PTPRG: variants seen among roughly 807,000 people sequenced by gnomAD.
The protein encoded by PTPRG is protein tyrosine phosphatase receptor type G.
In PTPRG, 102 loss-of-function variants were observed where a neutral mutation model predicts 165.3. That is an observed-to-expected ratio of 0.62 (90% confidence interval 0.53 to 0.73). The LOEUF is 0.73. Among genes scored for constraint, PTPRG ranks in the 30% least tolerant of loss-of-function variants. PTPRG has a pLI of 0.00. For missense variants in PTPRG, 1,866 were observed against 1,861.4 expected (o/e 1.00, Z -0.05); for synonymous variants, 675 against 669.5 (o/e 1.01, Z -0.13).
At chr3:62,206,234 CAG>C (rs1700226089) in intron 12 of PTPRG, among the ~76,000 whole-genome samples, 1 of 152,106 alleles carries the variant, frequency 6.6e-6, no homozygotes, top group South Asian at 2.1e-4. Flanking sequence ...ATTCCAGAGA[CAG>C]GGGAGAAGAA....
intron 2 of PTPRG, among the ~76,000 whole-genome samples, chr3:61,766,153 A>C (rs1050632392): frequency 1.3e-5 from 2 of 152,200 alleles, no homozygotes; most frequent in Admixed American, 6.5e-5. Context: ...CTTTTTCTTT[A>C]AATTGGAATG....
At chr3:61,607,100 G>A (rs1701032127) in intron 1 of PTPRG, among the ~76,000 whole-genome samples, 1 of 152,154 alleles carries the variant, frequency 6.6e-6, no homozygotes, top group African/African-American at 2.4e-5. Context: ...CTTTGGGCAG[G>A]TAAGGATAAC....
intron 6 of PTPRG, among the ~76,000 whole-genome samples, chr3:62,142,543 A>G (rs909177981): frequency 1.3e-5 from 2 of 152,178 alleles, no homozygotes; most frequent in African/African-American, 4.8e-5. Context: ...AAAGGAAGAG[A>G]TTCAGACATT....
At chr3:62,148,000 G>T (rs1447136543) in intron 6 of PTPRG, among the ~76,000 whole-genome samples, 1 of 152,046 alleles carries the variant, frequency 6.6e-6, no homozygotes, top group Non-Finnish European at 1.5e-5. Flanking sequence ...AAAAAAATTA[G>T]CCAGGCATGG....
At chr3:61,677,540 G>T (rs1703275076) in intron 1 of PTPRG, among the ~76,000 whole-genome samples, 1 of 152,194 alleles carries the variant, frequency 6.6e-6, no homozygotes, top group African/African-American at 2.4e-5. Flanking sequence ...ATTTTTGGTA[G>T]ATGTATATTT....
At chr3:62,165,339 G>C (rs1223265716) in intron 7 of PTPRG, among the ~76,000 whole-genome samples, 1 of 152,172 alleles carries the variant, frequency 6.6e-6, no homozygotes, top group African/African-American at 2.4e-5. Context: ...TCAGAAACCT[G>C]CTCTCACATT....
intron 2 of PTPRG, among the ~76,000 whole-genome samples, chr3:61,825,441 A>G (rs1444380823): frequency 6.6e-6 from 1 of 152,242 alleles, no homozygotes; most frequent in African/African-American, 2.4e-5. Flanking sequence ...CAAAGAGGGA[A>G]AAGTGGAAAC....
rs541132256 is a variant in PTPRG at position 62,257,298 on chromosome 3, C to G, written c.2559+2083C>G. On this transcript the variant is annotated intron_variant, in intron 16 of 29. Transcript: ENST00000474889. ...TAATAGGCTACATAAGAAGCTATTA[C>G]GGCTATTTTATAAACAGAGATAGTA... Among the ~76,000 whole-genome samples the G allele has an allele frequency of 3.9e-5, 6 of 152,066 alleles. No individual in the cohort carries two copies. The South Asian group carries it at 1.0e-3, about 26-fold the overall frequency.
At chr3:61,634,324 G>A (rs1187086309) in intron 1 of PTPRG, among the ~76,000 whole-genome samples, 2 of 151,770 alleles carry the variant, frequency 1.3e-5, no homozygotes, top group East Asian at 2.0e-4. Flanking sequence ...TGCAGCCTCC[G>A]CCTCCCAGGT....
At chr3:61,611,359 G>A (rs1450291599) in intron 1 of PTPRG, among the ~76,000 whole-genome samples, 3 of 152,116 alleles carry the variant, frequency 2.0e-5, no homozygotes, top group Non-Finnish European at 4.4e-5. Context: ...AAAGTGACAA[G>A]CACAGTGCCT....
chr3:62,202,276 T>C (rs1700111677), intron 11 of PTPRG, among the ~76,000 whole-genome samples: 2 of 152,032 alleles, frequency 1.3e-5, no homozygotes, highest in Admixed American at 1.3e-4. Flanking sequence ...TTTAGTATGG[T>C]GGTAAGAACA....
At chr3:61,951,399 C>T (rs1209346141) in intron 2 of PTPRG, among the ~76,000 whole-genome samples, 4 of 152,150 alleles carry the variant, frequency 2.6e-5, no homozygotes, top group African/African-American at 9.7e-5. Context: ...GTTTCTTTGA[C>T]CTCTGGTAGA....
At chr3:62,225,070 G>A (rs1487379410) in intron 13 of PTPRG, among the ~76,000 whole-genome samples, 1 of 152,200 alleles carries the variant, frequency 6.6e-6, no homozygotes, top group Non-Finnish European at 1.5e-5. Flanking sequence ...CAAGCATGCA[G>A]TGGTTCAGAG....
intron 15 of PTPRG, among the ~76,000 whole-genome samples, chr3:62,244,908 G>T (rs9863820): frequency 3.3e-5 from 5 of 151,948 alleles, no homozygotes; most frequent in African/African-American, 1.2e-4. Context: ...CTCAGAGGTA[G>T]AGTCATTCTT....
At chr3:62,070,181 A>G (rs927058224) in intron 4 of PTPRG, among the ~76,000 whole-genome samples, 8 of 152,310 alleles carry the variant, frequency 5.3e-5, no homozygotes, top group South Asian at 2.1e-4. Context: ...TACTTAGACA[A>G]TGGTTTGACT....
At chr3:62,218,654 T>C (rs1576149547) in intron 12 of PTPRG, among the ~76,000 whole-genome samples, 197 bp from the exon 13 acceptor site, 1 of 152,248 alleles carries the variant, frequency 6.6e-6, no homozygotes, top group South Asian at 2.1e-4. Flanking sequence ...ATGCAGCCCA[T>C]AGAAGAGGCC....
rs149454329 is a variant in PTPRG, at chr3:61,790,006, G to C, written c.190+41024G>C. On this transcript the variant is annotated intron_variant, in intron 2 of 29. Transcript: ENST00000474889. ...GCAGCTGTTTCCTGGTACCATCAGG[G>C]TCGGCATGGCCGTGGGATTCAGCTG... Among the ~76,000 whole-genome samples the C allele has an allele frequency of 1.5e-3, 228 of 152,290 alleles. 5 individuals carry two copies. In the East Asian group the frequency reaches 0.032, roughly 22 times the overall value.
At chr3:61,874,065 G>A (rs1353458864) in intron 2 of PTPRG, among the ~76,000 whole-genome samples, 1 of 152,114 alleles carries the variant, frequency 6.6e-6, no homozygotes, top group Non-Finnish European at 1.5e-5. Context: ...GTTAATTATG[G>A]GATCCTGGTA....
At chr3:61,812,204 T>G (rs775581050) in intron 2 of PTPRG, among the ~76,000 whole-genome samples, 1 of 127,886 alleles carries the variant, frequency 7.8e-6, no homozygotes, top group Non-Finnish European at 1.6e-5. Context: ...TACAGTTGAT[T>G]GTGTGTGTGT....
Sources: allele counts gnomAD v4.1 joint callset (sites outside exome capture counted in the v4.1 genomes callset), GRCh38; gene constraint gnomAD v4.1.1; transcripts MANE v1.5; gene names NCBI Gene and HGNC (gene_info 2026-07-23, HGNC 2026-07-21).